Variants in ELAVL4 observed in about 807,000 individuals in gnomAD.
ELAVL4 encodes ELAV like RNA binding protein 4, also known as ELAV-like protein 4.
In ELAVL4, 1 loss-of-function variant was observed where a neutral mutation model predicts 35.6. The ratio of observed to expected loss-of-function variants is 0.03; its 90% CI spans 0.01 to 0.13. ELAVL4 has a LOEUF of 0.13. Ranked by LOEUF, ELAVL4 falls within the 10% of genes least tolerant of loss-of-function variation. ELAVL4 has a pLI of 1.00. For missense variants in ELAVL4, 267 were observed against 464.9 expected (o/e 0.57, Z 3.91); for synonymous variants, 156 against 171.0 (o/e 0.91, Z 0.69).
At chr1:50,110,095 G>A in intron 1 of ELAVL4, 1 of 1,157,656 alleles carries the variant, frequency 8.6e-7, no homozygotes, top group East Asian at 2.5e-5. Flanking sequence ...TCGTTTGTGT[G>A]TGTATGTATG....
upstream of ELAVL4, among the ~76,000 whole-genome samples, chr1:50,099,634 T>C (rs1215466769): frequency 6.6e-6 from 1 of 151,952 alleles, no homozygotes; most frequent in Non-Finnish European, 1.5e-5. Context: ...ATGCAATCTG[T>C]AATTGAATTG....
At chr1:50,160,443 T>C (rs1676597986) in intron 2 of ELAVL4, among the ~76,000 whole-genome samples, 1 of 152,234 alleles carries the variant, frequency 6.6e-6, no homozygotes, top group Non-Finnish European at 1.5e-5. Context: ...TTCATGGATC[T>C]GGGAATTTCT....
At chr1:50,099,122 A>C (rs909946351), upstream of ELAVL4, among the ~76,000 whole-genome samples, 4 of 152,346 alleles carry the variant, frequency 2.6e-5, no homozygotes, top group Admixed American at 6.5e-5. Flanking sequence ...TTGGTTCAAA[A>C]GTTTTTCTGA....
intron 1 of ELAVL4, among the ~76,000 whole-genome samples, chr1:50,091,742 T>C (rs1665504723): frequency 6.6e-6 from 1 of 152,232 alleles, no homozygotes; most frequent in African/African-American, 2.4e-5. Flanking sequence ...CCATGTTGTA[T>C]TGAAACAACA....
Position 50,145,010 on chromosome 1 carries a change from C to G in ELAVL4, c.63C>G (p.Ser21Arg). The G allele has an allele frequency of 1.2e-6, 2 of 1,613,906 alleles. No individual in the cohort carries two copies. The highest frequency in any genetic ancestry group is 2.2e-5 in the South Asian group (2 of 91,082). ...QVSNGPTSNT[S>R]NGPSSNNRNC... ...CAAATGGTCCGACATCCAATACAAG[C>G]AATGGACCCTCCAGCAACAACAGAA... is the stretch of plus-strand genomic sequence containing the variant. Residue 21 changes from serine to arginine, a missense_variant, in exon 2 of 7, where the codon AGC becomes AGG. Physicochemically the swap from Ser to Arg is moderately radical, Grantham distance 110. This residue lies in a region of ELAVL4 where 51 missense variants were observed against 55.4 expected (regional missense o/e 0.92). Transcript: ENST00000371824.
intron 3 of ELAVL4, among the ~76,000 whole-genome samples, chr1:50,190,462 A>G (rs1052641318): frequency 3.3e-5 from 5 of 152,168 alleles, no homozygotes; most frequent in African/African-American, 1.2e-4. Flanking sequence ...ATTTTTGTTT[A>G]TCCATACGCC....
chr1:50,160,021 T>G (rs568038447), intron 2 of ELAVL4, among the ~76,000 whole-genome samples: 3 of 152,198 alleles, frequency 2.0e-5, no homozygotes, highest in African/African-American at 7.2e-5. Context: ...TGAAAATTAT[T>G]GAGTACTGAG....
At chr1:50,063,599 G>A (rs1438410982) in intron 1 of ELAVL4, among the ~76,000 whole-genome samples, 1 of 152,016 alleles carries the variant, frequency 6.6e-6, no homozygotes, top group Non-Finnish European at 1.5e-5. Context: ...ACCTCTTCGA[G>A]CGTTTCCACC....
At chr1:50,064,495 A>G (rs1400098105) in intron 1 of ELAVL4, among the ~76,000 whole-genome samples, 2 of 152,186 alleles carry the variant, frequency 1.3e-5, no homozygotes, top group African/African-American at 2.4e-5. Flanking sequence ...TCCAGGATCC[A>G]GCTATCAGTC....
At chr1:50,183,157 C>T (rs1173305564) in intron 3 of ELAVL4, among the ~76,000 whole-genome samples, 1 of 152,022 alleles carries the variant, frequency 6.6e-6, no homozygotes, top group Non-Finnish European at 1.5e-5. Flanking sequence ...TGCGCCCGGC[C>T]GATTTCCATC....
upstream of ELAVL4, among the ~76,000 whole-genome samples, chr1:50,102,267 C>G (rs985986605): frequency 6.6e-6 from 1 of 150,628 alleles, no homozygotes; most frequent in African/African-American, 2.5e-5. Flanking sequence ...GCCTGGGCGT[C>G]AAAGCGAGAC....
At chr1:50,146,617 T>C (rs1466454590) in intron 2 of ELAVL4, among the ~76,000 whole-genome samples, 2 of 152,198 alleles carry the variant, frequency 1.3e-5, no homozygotes, top group Non-Finnish European at 2.9e-5. Flanking sequence ...GATTATCTTG[T>C]ACCAGAGCAC....
At chr1:50,198,720 A>G (rs1276341687) in intron 6 of ELAVL4, among the ~76,000 whole-genome samples, 1 of 152,210 alleles carries the variant, frequency 6.6e-6, no homozygotes, top group Admixed American at 6.5e-5. Flanking sequence ...GCTTATAAAT[A>G]GATAAGATAG....
chr1:50,140,910 G>C (rs1672711420), intron 1 of ELAVL4, among the ~76,000 whole-genome samples: 1 of 152,148 alleles, frequency 6.6e-6, no homozygotes, highest in South Asian at 2.1e-4. Context: ...GTATCTCATG[G>C]CTCCTTTTAG....
At chr1:50,135,178 G>A (rs1446801028) in intron 1 of ELAVL4, among the ~76,000 whole-genome samples, 3 of 152,080 alleles carry the variant, frequency 2.0e-5, no homozygotes, top group Non-Finnish European at 4.4e-5. Context: ...CTCCAGAGCA[G>A]AAGTTGCTGT....
intron 1 of ELAVL4, among the ~76,000 whole-genome samples, chr1:50,122,803 C>T (rs1669251693): frequency 1.3e-5 from 2 of 152,068 alleles, no homozygotes; most frequent in African/African-American, 4.8e-5. Flanking sequence ...GTTATTTTTA[C>T]AATGCCATTT....
chr1:50,115,374 G>A (rs1178103069), intron 1 of ELAVL4: 1 of 151,820 alleles, frequency 6.6e-6, no homozygotes, highest in African/African-American at 2.4e-5. Context: ...GTTGTTTTTG[G>A]AAAGTCTTAT....
At chr1:50,071,863 A>T (rs1664541038) in intron 1 of ELAVL4, among the ~76,000 whole-genome samples, 2 of 152,142 alleles carry the variant, frequency 1.3e-5, no homozygotes, top group Non-Finnish European at 2.9e-5. Context: ...GGTGTTGAAA[A>T]ACTGTTGAGA....
chr1:50,189,512 TGTCAGTAAA>T (rs1682344255), intron 3 of ELAVL4, among the ~76,000 whole-genome samples: 1 of 152,202 alleles, frequency 6.6e-6, no homozygotes, highest in Non-Finnish European at 1.5e-5. Context: ...AGGACATTCA[TGTCAGTAAA>T]GTGGTAAAAG....
Sources: gnomAD v4.1 joint callset for allele counts (sites outside exome capture counted in the v4.1 genomes callset) on GRCh38, gnomAD v4.1.1 for gene constraint, gnomAD v4.1.1 regional missense constraint, MANE v1.5 for transcripts, NCBI Gene and HGNC (gene_info 2026-07-23, HGNC 2026-07-21) for gene names.